Variants in AP1B1 observed in about 807,000 individuals in gnomAD.
AP1B1 encodes the protein adaptor related protein complex 1 subunit beta 1, also known as AP-1 complex subunit beta-1.
A neutral mutation model predicts 104.3 loss-of-function variants in AP1B1; 36 were observed. The ratio of observed to expected loss-of-function variants is 0.35; its 90% confidence interval spans 0.26 to 0.46. The LOEUF (loss-of-function observed/expected upper bound fraction) is 0.46. Ranked by LOEUF, AP1B1 falls within the 20% of genes least tolerant of loss-of-function variation. AP1B1 has a pLI of 1.00. For missense variants in AP1B1, 901 were observed against 1,247.9 expected (o/e 0.72, Z 4.19); for synonymous variants, 504 against 517.5 (o/e 0.97, Z 0.35).
chr22:29,387,996 G>A (rs1258055346), intron 1 of AP1B1, among the ~76,000 whole-genome samples: 1 of 152,190 alleles, frequency 6.6e-6, no homozygotes, highest in African/African-American at 2.4e-5. Context: ...GGAGGCGGGC[G>A]GCACGGGACC....
At chr22:29,354,543 G>T in intron 7 of AP1B1, 107 bp downstream of exon 7, 1 of 1,084,154 alleles carries the variant, frequency 9.2e-7, no homozygotes, top group Admixed American at 2.0e-5. Context: ...TAAGCTATTT[G>T]AGACTTCCTG....
chr22:29,339,389 G>T (rs564672026), intron 15 of AP1B1, among the ~76,000 whole-genome samples: 81 of 152,244 alleles, frequency 5.3e-4, no homozygotes, highest in South Asian at 8.3e-4. Context: ...CCAAATTGAC[G>T]CTCAGCCTAT....
At chr22:29,348,412 C>T (rs1354576489) in intron 11 of AP1B1, among the ~76,000 whole-genome samples, 5 of 152,220 alleles carry the variant, frequency 3.3e-5, no homozygotes, top group African/African-American at 1.2e-4. Context: ...CACTGAAGTG[C>T]TTGCCTAGTG....
intron 15 of AP1B1, among the ~76,000 whole-genome samples, chr22:29,339,490 G>A (rs1050503343): frequency 6.6e-6 from 1 of 152,086 alleles, no homozygotes; most frequent in Non-Finnish European, 1.5e-5. Context: ...AAGGGTTGTG[G>A]GACTGAGGGC....
chr22:29,360,017 T>C, intron 3 of AP1B1, 58 bp from the exon 4 acceptor site: 2 of 1,571,886 alleles, frequency 1.3e-6, no homozygotes, highest in Non-Finnish European at 1.7e-6. Flanking sequence ...GAGGAAGATT[T>C]TCAGGCTGCT....
At chr22:29,336,507 A>G (rs578101400) in intron 16 of AP1B1, among the ~76,000 whole-genome samples, 26 of 152,326 alleles carry the variant, frequency 1.7e-4, no homozygotes, top group African/African-American at 5.3e-4. Flanking sequence ...TAACACTGGT[A>G]AGACAAACAC....
At chr22:29,354,018 A>AC (rs933116758) in intron 7 of AP1B1, among the ~76,000 whole-genome samples, 1 of 151,422 alleles carries the variant, frequency 6.6e-6, no homozygotes, top group Non-Finnish European at 1.5e-5. Flanking sequence ...GCTCTCGCCT[A>AC]CCCCCCACTA....
intron 10 of AP1B1, among the ~76,000 whole-genome samples, 171 bp from the exon 11 acceptor site, chr22:29,349,554 C>T (rs1323875052): frequency 1.3e-5 from 2 of 151,524 alleles, no homozygotes; most frequent in Non-Finnish European, 2.9e-5. Context: ...CACTCTGTTG[C>T]CCAGGCTGGT....
At position 29,354,631 on chromosome 22, in the gene AP1B1, C is replaced by A. The variant is rs73403038; in HGVS notation, c.938+19G>T. On this transcript the variant is annotated intron_variant, in intron 7 of 22. Coordinates refer to ENST00000357586, the MANE Select transcript of AP1B1 (RefSeq NM_001127.4). ...TCCCCGAGGGGTACGCATGGACGTG[C>A]GTGTGGTGACCTCAGTACCTTTTCT... is the stretch of plus-strand genomic sequence containing the variant. 1.9e-6 allele frequency: 3 copies of A among 1,611,026 alleles called. No homozygotes were observed. The highest frequency in any genetic ancestry group is 2.7e-5 in the African/African-American group (2 of 74,796).
intron 1 of AP1B1, among the ~76,000 whole-genome samples, chr22:29,372,306 C>A (rs1280831039): frequency 6.6e-6 from 1 of 151,632 alleles, no homozygotes; most frequent in Non-Finnish European, 1.5e-5. Flanking sequence ...TGCCTGTAGT[C>A]CCAGCTACTC....
chr22:29,339,722 G>A (rs1443330834), intron 15 of AP1B1, 32 bp downstream of exon 15: 8 of 1,608,012 alleles, frequency 5.0e-6, no homozygotes, highest in Non-Finnish European at 5.9e-6. Context: ...GAGCAAGGAC[G>A]AAGGCTTGGT....
intron 1 of AP1B1, among the ~76,000 whole-genome samples, chr22:29,378,630 C>T (rs932368612): frequency 1.9e-4 from 28 of 146,276 alleles, no homozygotes; most frequent in African/African-American, 6.8e-4. Flanking sequence ...GAGGCCGAGG[C>T]GGGCGGATCA....
intron 7 of AP1B1, among the ~76,000 whole-genome samples, chr22:29,352,562 G>A (rs2061893186): frequency 6.6e-6 from 1 of 152,162 alleles, no homozygotes; most frequent in Non-Finnish European, 1.5e-5. Flanking sequence ...CTCCACCTGT[G>A]TCCTTCTCCC....
rs572830378 is a variant in AP1B1, at chr22:29,378,585, C to G, written c.-28+9839G>C. 3.5e-5 allele frequency among the ~76,000 whole-genome samples: 5 copies of G among 141,662 alleles called. 1 individual carries two copies. The South Asian group carries it at 9.1e-4, about 26-fold the overall frequency. The allele number at this position is 141,662 out of a possible 152,430, so 92.9% of individuals were successfully genotyped here. A position where few individuals can be genotyped will look rare whatever the true frequency, so the allele number is the denominator to read the frequency against. Reference sequence around the variant, plus strand: ...AAAAAAAAAAAAAAAAAAGGCCGGGCGCAGTGGCTCACGCCTGTAATCCCA... The same window carrying G: ...AAAAAAAAAAAAAAAAAAGGCCGGGGGCAGTGGCTCACGCCTGTAATCCCA... On this transcript the variant is annotated intron_variant, in intron 1 of 22. Transcript: ENST00000357586.
At chr22:29,359,803 G>A (rs765165924) in intron 4 of AP1B1, 21 bp downstream of exon 4, 9 of 1,606,676 alleles carry the variant, frequency 5.6e-6, no homozygotes, top group East Asian at 4.5e-5. Context: ...ATGTCCCCAC[G>A]CCCACCAAGC....
chr22:29,361,101 C>T (rs4611747), intron 3 of AP1B1, among the ~76,000 whole-genome samples: 47,332 of 148,694 alleles, frequency 0.32, 8,238 homozygotes, highest in African/African-American at 0.53. Context: ...AAAGATGTTT[C>T]TCCTCTGTGA....
At chr22:29,355,338 T>A (rs374910824) in intron 6 of AP1B1, among the ~76,000 whole-genome samples, 1 of 152,064 alleles carries the variant, frequency 6.6e-6, no homozygotes, top group African/African-American at 2.4e-5. Flanking sequence ...TGCATGCCTG[T>A]AGTCCCAGCT....
At chr22:29,346,608 C>T (rs1052218702) in intron 11 of AP1B1, among the ~76,000 whole-genome samples, 2 of 152,256 alleles carry the variant, frequency 1.3e-5, no homozygotes, top group Admixed American at 1.3e-4. Flanking sequence ...TCCCGCTGTG[C>T]AGCCCAGTTC....
At chr22:29,348,963 T>C (rs1372492245) in intron 11 of AP1B1, among the ~76,000 whole-genome samples, 3 of 152,258 alleles carry the variant, frequency 2.0e-5, no homozygotes, top group South Asian at 2.1e-4. Flanking sequence ...TATTAAAATA[T>C]GACTATGGAA....
Sources: gnomAD v4.1 joint callset for allele counts (sites outside exome capture counted in the v4.1 genomes callset) on GRCh38, gnomAD v4.1.1 for gene constraint, MANE v1.5 for transcripts, NCBI Gene and HGNC (gene_info 2026-07-23, HGNC 2026-07-21) for gene names.